Variants in KCNMB4 observed in about 807,000 individuals in gnomAD.
KCNMB4 encodes the protein calcium-activated potassium channel subunit beta-4.
Under a neutral mutation model 20.7 loss-of-function variants are expected in KCNMB4, and 3 were observed. The observed-to-expected ratio is 0.14, with a 90% CI of 0.07 to 0.37. The LOEUF is 0.37. KCNMB4 is among the 10% of genes least tolerant of loss of function. The probability of loss-of-function intolerance (pLI) is 1.00; values close to 1 mark genes in which losing one functional copy is unlikely to be tolerated. For synonymous variants in KCNMB4, 110 were observed against 113.4 expected (o/e 0.97, Z 0.19); for missense variants, 168 against 265.9 (o/e 0.63, Z 2.56).
intron 1 of KCNMB4, among the ~76,000 whole-genome samples, chr12:70,388,782 T>C (rs915298509): frequency 3.3e-5 from 5 of 152,184 alleles, no homozygotes; most frequent in Admixed American, 6.5e-5. Context: ...TGAGTTAATA[T>C]ATGGAAAGCT....
chr12:70,378,768 C>A (rs1322806875), intron 1 of KCNMB4, among the ~76,000 whole-genome samples: 1 of 152,076 alleles, frequency 6.6e-6, no homozygotes, highest in Non-Finnish European at 1.5e-5. Flanking sequence ...AACTCCTGAC[C>A]TCAAGTGATT....
intron 2 of KCNMB4, among the ~76,000 whole-genome samples, chr12:70,411,663 G>A (rs1359355720): frequency 6.6e-6 from 1 of 152,086 alleles, no homozygotes; most frequent in African/African-American, 2.4e-5. Context: ...ACCATCTCAA[G>A]CTGGGAACAG....
intron 2 of KCNMB4, among the ~76,000 whole-genome samples, chr12:70,421,882 T>C (rs1295080445): frequency 1.2e-5 from 1 of 85,158 alleles, no homozygotes; most frequent in East Asian, 5.1e-4. Flanking sequence ...TGCCTGGCCT[T>C]TTTTTTTTTT....
At chr12:70,380,510 A>G (rs1008430650) in intron 1 of KCNMB4, among the ~76,000 whole-genome samples, 2 of 152,190 alleles carry the variant, frequency 1.3e-5, no homozygotes, top group African/African-American at 4.8e-5. Context: ...TTCCATCTGT[A>G]AAAGAATGCA....
chr12:70,399,013 A>AAC (rs1189235118), intron 1 of KCNMB4, among the ~76,000 whole-genome samples: 1 of 152,188 alleles, frequency 6.6e-6, no homozygotes, highest in Non-Finnish European at 1.5e-5. Flanking sequence ...AAGGAGAGAG[A>AAC]ACAGCCTGTG....
intron 1 of KCNMB4, among the ~76,000 whole-genome samples, chr12:70,379,206 C>T (rs1246811481): frequency 2.0e-5 from 3 of 152,190 alleles, no homozygotes; most frequent in East Asian, 1.9e-4. Flanking sequence ...CTTAAAGTCA[C>T]CAGCTACACT....
intron 2 of KCNMB4, among the ~76,000 whole-genome samples, chr12:70,404,458 A>G (rs926754747): frequency 5.3e-5 from 8 of 152,236 alleles, no homozygotes; most frequent in African/African-American, 1.9e-4. Flanking sequence ...TACTAGCCCC[A>G]TTTAACATAT....
intron 1 of KCNMB4, among the ~76,000 whole-genome samples, chr12:70,395,855 A>G (rs1868346352): frequency 6.6e-6 from 1 of 152,252 alleles, no homozygotes; most frequent in African/African-American, 2.4e-5. Flanking sequence ...TTGCAAATGA[A>G]AAACAAAATA....
chr12:70,426,716 A>C (rs1195954971), intron 2 of KCNMB4, among the ~76,000 whole-genome samples: 1 of 152,370 alleles, frequency 6.6e-6, no homozygotes, highest in South Asian at 2.1e-4. Flanking sequence ...TTATAAAGTG[A>C]AAATTAAAAA....
At chr12:70,395,761 A>G (rs1484628296) in intron 1 of KCNMB4, among the ~76,000 whole-genome samples, 1 of 152,246 alleles carries the variant, frequency 6.6e-6, no homozygotes, top group African/African-American at 2.4e-5. Context: ...AAGTTATTTC[A>G]TCCAAGTTCA....
At chr12:70,405,360 C>T (rs2136132256) in intron 2 of KCNMB4, among the ~76,000 whole-genome samples, 2 of 152,248 alleles carry the variant, frequency 1.3e-5, no homozygotes, top group East Asian at 3.9e-4. Context: ...AAATAGACAT[C>T]TAAATGGCTG....
rs375443294 is a variant in KCNMB4, at chr12:70,399,540, G to A, written c.337-669G>A. ...ATTGCAGAAAATGGATTAGAATGCCGAGAGTTCATTTTAACATCTGGACTT... is the reference window on the plus strand; with the variant it reads ...ATTGCAGAAAATGGATTAGAATGCCAAGAGTTCATTTTAACATCTGGACTT... On this transcript the variant is annotated intron_variant, in intron 1 of 2. Coordinates refer to ENST00000258111, the MANE Select transcript of KCNMB4 (RefSeq NM_014505.6). Among the ~76,000 whole-genome samples, 112 of 152,270 alleles carry A rather than the reference G, an allele frequency of 7.4e-4. 1 individual carries two copies. The highest frequency in any genetic ancestry group is 2.6e-3 in the African/African-American group (109 of 41,550).
chr12:70,389,092 T>A (rs1007827136), intron 1 of KCNMB4, among the ~76,000 whole-genome samples: 1 of 152,046 alleles, frequency 6.6e-6, no homozygotes, highest in Non-Finnish European at 1.5e-5. Flanking sequence ...CACCACACCA[T>A]CCTACCCCAT....
chr12:70,384,274 G>A (rs1211126498), intron 1 of KCNMB4, among the ~76,000 whole-genome samples: 1 of 152,094 alleles, frequency 6.6e-6, no homozygotes, highest in Non-Finnish European at 1.5e-5. Flanking sequence ...ACCACCTGTA[G>A]CTTCTAAATT....
At chr12:70,371,135 G>A (rs1883586093) in intron 1 of KCNMB4, among the ~76,000 whole-genome samples, 1 of 152,192 alleles carries the variant, frequency 6.6e-6, no homozygotes, top group African/African-American at 2.4e-5. Context: ...GGGATTACAG[G>A]CGTGAGCCAA....
intron 1 of KCNMB4, among the ~76,000 whole-genome samples, chr12:70,386,856 G>C (rs139809748): frequency 3.3e-5 from 5 of 152,254 alleles, no homozygotes; most frequent in Admixed American, 3.3e-4. Flanking sequence ...GCATTCAAAA[G>C]AATGAGACCT....
chr12:70,416,379 C>A (rs1158064733), intron 2 of KCNMB4, among the ~76,000 whole-genome samples: 1 of 152,130 alleles, frequency 6.6e-6, no homozygotes, highest in Non-Finnish European at 1.5e-5. Context: ...AAATTCTTTA[C>A]CATGTTTATT....
In KCNMB4 at chr12:70,392,191, A is replaced by C. The variant is rs79265936; in HGVS notation, c.337-8018A>C. 4.4e-3 allele frequency among the ~76,000 whole-genome samples: 672 copies of C among 152,354 alleles called. 3 individuals are homozygous for C. The highest frequency in any genetic ancestry group is 0.01 in the Middle Eastern group (3 of 294). ...AAGCCATCTGAATGTGTGCATGAAC[A>C]TTTAAGAAAGTTTTATTTCATTTCA... On this transcript the variant is annotated intron_variant, in intron 1 of 2. Coordinates refer to ENST00000258111, the MANE Select transcript of KCNMB4 (RefSeq NM_014505.6).
chr12:70,375,774 C>A (rs1489041875), intron 1 of KCNMB4, among the ~76,000 whole-genome samples: 3 of 152,210 alleles, frequency 2.0e-5, no homozygotes, highest in African/African-American at 4.8e-5. Flanking sequence ...TTAGCTCTCA[C>A]TCCTTATTCC....
Sources: allele counts gnomAD v4.1 joint callset (sites outside exome capture counted in the v4.1 genomes callset), GRCh38; gene constraint gnomAD v4.1.1; transcripts MANE v1.5; gene names NCBI Gene and HGNC (gene_info 2026-07-23, HGNC 2026-07-21).